Variants in HTRA1 observed in about 807,000 individuals in gnomAD.
HTRA1 encodes the protein serine protease HTRA1.
HTRA1 carries 26 observed loss-of-function variants against 49.7 expected under a neutral mutation model. That is an observed-to-expected ratio of 0.52 (90% CI 0.38 to 0.73). The LOEUF (loss-of-function observed/expected upper bound fraction) is 0.73. Among genes scored for constraint, HTRA1 ranks in the 30% least tolerant of loss-of-function variants. HTRA1 has a pLI of 0.00. For missense variants in HTRA1, 561 were observed against 667.2 expected (o/e 0.84, Z 1.75); for synonymous variants, 291 against 286.9 (o/e 1.01, Z -0.14).
In HTRA1 at chr10:122,481,583, G is replaced by A. The variant is rs146192368; in HGVS notation, c.473-7319G>A. Among the ~76,000 whole-genome samples, 591 of 152,294 alleles carry A rather than the reference G, an allele frequency of 3.9e-3. 3 individuals are homozygous for A. Among genetic ancestry groups the A allele is most frequent in the Non-Finnish European group, 6.1e-3 (415 of 68,028 alleles). On this transcript the variant is annotated intron_variant, in intron 1 of 8. Coordinates refer to ENST00000368984, the MANE Select transcript of HTRA1 (RefSeq NM_002775.5). ...CCTCTGCTCCTTGTGCCTATGCAGG[G>A]ATTCAGGCCCAACCACTGCAGAGAG... is the stretch of plus-strand genomic sequence containing the variant.
rs1356057611 is a variant in HTRA1 at position 122,506,720 on chromosome 10, C to T, written c.807C>T (p.Arg269=). Residue 269 remains arginine (R), a synonymous_variant, in exon 4 of 9, where the codon CGC becomes CGT. Transcript: ENST00000368984. This position sits in a 1 kb window ranked among gnomAD's most constrained non-coding sequence, Gnocchi z 5.2. ...AGCTGCCTGTCCTGCTGCTTGGCCG[C>T]TCCTCAGAGCTGCGGCCGGGAGAGT... ...QGKLPVLLLG[R]SSELRPGEFV... is the part of the protein sequence containing the mutation. 2 of 1,613,516 alleles carry T rather than the reference C, an allele frequency of 1.2e-6. No individual in the cohort carries two copies. Among genetic ancestry groups the T allele is most frequent in the Non-Finnish European group, 1.7e-6 (2 of 1,180,026 alleles).
intron 6 of HTRA1, 118 bp from the exon 7 acceptor site, chr10:122,509,978 C>A (rs1392267370): frequency 8.2e-5 from 67 of 820,792 alleles, no homozygotes; most frequent in Non-Finnish European, 1.3e-4. Context: ...GCCGCAACCT[C>A]AGTGTACCCT....
chr10:122,510,072 G>T, intron 6 of HTRA1, 24 bp from the exon 7 acceptor site: 1 of 1,610,776 alleles, frequency 6.2e-7, no homozygotes, highest in Non-Finnish European at 8.5e-7. Flanking sequence ...CTGACCTTCT[G>T]CTGTCCCTTT....
At position 122,479,557 on chromosome 10, in the gene HTRA1, A is replaced by G. The variant is rs181970073; in HGVS notation, c.473-9345A>G. Among the ~76,000 whole-genome samples the G allele has an allele frequency of 1.8e-3, 267 of 152,286 alleles. 2 individuals are homozygous for G. Among genetic ancestry groups the G allele is most frequent in the African/African-American group, 6.1e-3 (252 of 41,554 alleles). Reference sequence around the variant, plus strand: ...AGATCCTATTATTCTTATTGATAATATTATTTTATTGCTAACATTGAAGGT... The same window carrying G: ...AGATCCTATTATTCTTATTGATAATGTTATTTTATTGCTAACATTGAAGGT... On this transcript the variant is annotated intron_variant, in intron 1 of 8. Coordinates refer to ENST00000368984, the MANE Select transcript of HTRA1 (RefSeq NM_002775.5).
At chr10:122,474,565 G>A (rs1458992016) in intron 1 of HTRA1, among the ~76,000 whole-genome samples, 2 of 152,176 alleles carry the variant, frequency 1.3e-5, no homozygotes, top group Admixed American at 6.5e-5. Flanking sequence ...GAACAGCCCC[G>A]GCAGCTCCAG....
chr10:122,506,646 G>T lies in HTRA1; in HGVS notation c.778-45G>T. ...ATGATATCTGTGCCTTTACCTATTT[G>T]GTTAAATTAAACCAACTCAGCAACG... On this transcript the variant is annotated intron_variant, in intron 3 of 8. Coordinates refer to ENST00000368984, the MANE Select transcript of HTRA1 (RefSeq NM_002775.5). This position sits in a 1 kb window ranked among gnomAD's most constrained non-coding sequence, Gnocchi z 5.2. 1.3e-6 allele frequency: 2 copies of T among 1,546,286 alleles called. No individual in the cohort carries two copies. The highest frequency in any genetic ancestry group is 1.1e-5 in the South Asian group (1 of 89,750).
At chr10:122,469,206 A>G (rs1183349800) in intron 1 of HTRA1, among the ~76,000 whole-genome samples, 1 of 152,194 alleles carries the variant, frequency 6.6e-6, no homozygotes, top group African/African-American at 2.4e-5. Context: ...TGGTAGGCCT[A>G]TCTCTGTGAT....
In HTRA1 at chr10:122,464,226, C is replaced by T. The variant is rs1369020695; in HGVS notation, c.472+2102C>T. ...GGGGTCCTGAGTTGCTGGCACCATG[C>T]GAGCCGCCTAATTTATTGCTAGTGA... On this transcript the variant is annotated intron_variant, in intron 1 of 8. Coordinates refer to ENST00000368984, the MANE Select transcript of HTRA1 (RefSeq NM_002775.5). This position sits in a 1 kb window ranked among gnomAD's most constrained non-coding sequence, Gnocchi z 4.8. 6.6e-6 allele frequency among the ~76,000 whole-genome samples: 1 copy of T among 152,162 alleles called. No homozygotes were observed. The highest frequency in any genetic ancestry group is 2.4e-5 in the African/African-American group (1 of 41,414).
chr10:122,497,530 C>A (rs1299620236), intron 3 of HTRA1, among the ~76,000 whole-genome samples: 1 of 152,050 alleles, frequency 6.6e-6, no homozygotes, highest in Non-Finnish European at 1.5e-5. Context: ...TTCGCTGGGC[C>A]CACCAAATAG....
chr10:122,501,045 C>T (rs575489046), intron 3 of HTRA1, among the ~76,000 whole-genome samples: 8 of 152,286 alleles, frequency 5.3e-5, no homozygotes, highest in African/African-American at 1.9e-4. Context: ...GTGAGAAGAA[C>T]ACCTGGAGTG....
In HTRA1 at chr10:122,506,247, G is replaced by A. The variant is rs908570131; in HGVS notation, c.778-444G>A. Among the ~76,000 whole-genome samples, 1 of 152,182 alleles carries A rather than the reference G, an allele frequency of 6.6e-6. No individual in the cohort carries two copies. ...GATGTGCACATGATGAGTCGGGGCAGGTTTCACTGCCTGTAGCTTGGGATC... is the reference window on the plus strand; with the variant it reads ...GATGTGCACATGATGAGTCGGGGCAAGTTTCACTGCCTGTAGCTTGGGATC... On this transcript the variant is annotated intron_variant, in intron 3 of 8. Coordinates refer to ENST00000368984, the MANE Select transcript of HTRA1 (RefSeq NM_002775.5). The surrounding 1 kb of genome is among the most constrained non-coding windows in gnomAD (Gnocchi z 5.2).
rs768665565 is a variant in HTRA1, at chr10:122,488,952, G to A, written c.523G>A (p.Val175Met). 6 of 1,614,176 alleles carry A rather than the reference G, an allele frequency of 3.7e-6. No homozygotes were observed. Among genetic ancestry groups the A allele is most frequent in the South Asian group, 2.2e-5 (2 of 91,084 alleles). ...CCATAAATATAACTTTATCGCGGAC[G>A]TGGTGGAGAAGATCGCCCCTGCCGT... ...LRHKYNFIAD[V>M]VEKIAPAVVH... Residue 175 changes from valine (V) to methionine (M), a missense_variant, in exon 2 of 9, where the codon GTG (valine) becomes ATG (methionine). Val to Met is a conservative substitution (Grantham distance 21, BLOSUM62 1). Transcript: ENST00000368984.
Position 122,514,275 on chromosome 10 carries a change from A to G in HTRA1, c.1359A>G (p.Lys453=). 1 of 1,614,170 alleles carries G rather than the reference A, an allele frequency of 6.2e-7. No individual in the cohort carries two copies. Among genetic ancestry groups the G allele is most frequent in the South Asian group, 1.1e-5 (1 of 91,080 alleles). ...VSANDVSDVI[K]RESTLNMVVR... Reference sequence around the variant, plus strand: ...CCAATGATGTCAGCGACGTCATTAAAAGGGAAAGCACCCTGAACATGGTGG... The same window carrying G: ...CCAATGATGTCAGCGACGTCATTAAGAGGGAAAGCACCCTGAACATGGTGG... The change falls in exon 9 of 9, where the codon AAA becomes AAG. Residue 453 remains lysine (K), a synonymous_variant. Transcript: ENST00000368984.
intron 3 of HTRA1, among the ~76,000 whole-genome samples, chr10:122,500,931 C>T (rs1249627628): frequency 6.6e-6 from 1 of 152,192 alleles, no homozygotes; most frequent in African/African-American, 2.4e-5. Context: ...GTGTTATACC[C>T]TCTCTGGTCC....
intron 3 of HTRA1, among the ~76,000 whole-genome samples, chr10:122,495,255 A>G (rs560429393): frequency 6.6e-6 from 1 of 152,154 alleles, no homozygotes; most frequent in East Asian, 1.9e-4. Context: ...TCTTTCCCCC[A>G]ACGCCTTCTG....
chr10:122,512,884 C>T (rs762039908), intron 8 of HTRA1, among the ~76,000 whole-genome samples: 4 of 152,064 alleles, frequency 2.6e-5, no homozygotes, highest in Non-Finnish European at 4.4e-5. Flanking sequence ...CCCCAGAGTC[C>T]ATTGTATCAT....
intron 5 of HTRA1, among the ~76,000 whole-genome samples, chr10:122,508,252 G>T (rs1285154037): frequency 1.3e-5 from 2 of 152,212 alleles, no homozygotes; most frequent in Non-Finnish European, 2.9e-5. Context: ...TAAGCTCTAG[G>T]GTTGTTTCCC....
At chr10:122,476,863 GCACCTGCCGATAAATTT>G (rs1458739312) in intron 1 of HTRA1, among the ~76,000 whole-genome samples, 2 of 151,860 alleles carry the variant, frequency 1.3e-5, no homozygotes, top group Non-Finnish European at 2.9e-5. Flanking sequence ...GTGGCCTTGG[GCACCTGCCGATAAATTT>G]CCCGGTGTGT....
chr10:122,466,210 C>T (rs1025458397), intron 1 of HTRA1, among the ~76,000 whole-genome samples: 6 of 152,108 alleles, frequency 3.9e-5, no homozygotes, highest in South Asian at 4.1e-4. Flanking sequence ...CTGTCGCCTA[C>T]GCTGGAGTGC....
Sources: allele counts gnomAD v4.1 joint callset (sites outside exome capture counted in the v4.1 genomes callset), GRCh38; gene constraint gnomAD v4.1.1; non-coding constraint Gnocchi (gnomAD v3.1); transcripts MANE v1.5; gene names NCBI Gene and HGNC (gene_info 2026-07-23, HGNC 2026-07-21).